The following DAP variants were observed in gnomAD, a reference collection of about 807,000 sequenced individuals.
The protein encoded by DAP is death associated protein, also known as death-associated protein 1.
Under a neutral mutation model 13.8 loss-of-function variants are expected in DAP, and 8 were observed. The observed-to-expected ratio is 0.58, with a 90% CI of 0.34 to 1.05. DAP has a LOEUF of 1.05. DAP is among the 50% of genes least tolerant of loss of function. DAP has a pLI of 0.03. For synonymous variants in DAP, 47 were observed against 47.5 expected, an observed-to-expected ratio of 0.99 and a Z score of 0.04; for missense variants, 106 against 133.2, an observed-to-expected ratio of 0.80 and a Z score of 1.01.
At chr5:10,693,477 T>C (rs957544109) in intron 2 of DAP, among the ~76,000 whole-genome samples, 1 of 152,222 alleles carries the variant, frequency 6.6e-6, no homozygotes, top group Non-Finnish European at 1.5e-5. Context: ...ATCACCACTA[T>C]GTACTATGGA....
intron 2 of DAP, among the ~76,000 whole-genome samples, chr5:10,725,654 A>ATGTC (rs1739271753): frequency 6.6e-6 from 1 of 152,266 alleles, no homozygotes; most frequent in Non-Finnish European, 1.5e-5. Context: ...TGCTGAAAAG[A>ATGTC]TGTCTCTCAA....
Position 10,747,559 on chromosome 5 carries a change from C to T in DAP, c.152+616G>A, listed in dbSNP as rs5745196. ...AGCTACACAGACAGCCAGGTCCACCCCTGAGGTTCAACTAGTGCGGCAATT... is the reference window on the plus strand; with the variant it reads ...AGCTACACAGACAGCCAGGTCCACCTCTGAGGTTCAACTAGTGCGGCAATT... On this transcript the variant is annotated intron_variant, in intron 2 of 3. Coordinates refer to ENST00000230895, the MANE Select transcript of DAP (RefSeq NM_004394.3). Among the ~76,000 whole-genome samples the T allele has an allele frequency of 6.4e-3, 976 of 152,346 alleles. 31 individuals carry two copies. The highest frequency in any genetic ancestry group is 0.059 in the Admixed American group (905 of 15,302).
intron 2 of DAP, among the ~76,000 whole-genome samples, chr5:10,723,979 T>C (rs190147526): frequency 1.4e-3 from 208 of 152,316 alleles, no homozygotes; most frequent in Non-Finnish European, 2.5e-3. Context: ...AAACGGTGCA[T>C]TGTTTGGGTG....
At chr5:10,693,153 C>CAT (rs10683981) in intron 2 of DAP, among the ~76,000 whole-genome samples, 1 of 138,716 alleles carries the variant, frequency 7.2e-6, no homozygotes, top group Non-Finnish European at 1.6e-5. Flanking sequence ...CACACACACA[C>CAT]GTGCGTAGTA....
chr5:10,758,189 TTAGTG>T (rs1740241171), intron 1 of DAP, among the ~76,000 whole-genome samples: 1 of 151,886 alleles, frequency 6.6e-6, no homozygotes, highest in African/African-American at 2.4e-5. Context: ...TGATTATCCT[TTAGTG>T]TAGTGGGCCG....
chr5:10,757,182 C>T (rs1264398366), intron 1 of DAP, among the ~76,000 whole-genome samples: 1 of 152,216 alleles, frequency 6.6e-6, no homozygotes, highest in African/African-American at 2.4e-5. Flanking sequence ...GTCTGTCGGG[C>T]TGCTGAAGTT....
intron 2 of DAP, among the ~76,000 whole-genome samples, chr5:10,706,052 A>G (rs1438465944): frequency 2.0e-5 from 3 of 152,246 alleles, no homozygotes; most frequent in Non-Finnish European, 4.4e-5. Context: ...CGGCATTTGC[A>G]TCCAACAGCA....
intron 2 of DAP, among the ~76,000 whole-genome samples, chr5:10,713,522 A>C (rs1278086231): frequency 1.3e-5 from 2 of 152,234 alleles, no homozygotes; most frequent in Admixed American, 1.3e-4. Flanking sequence ...GCATCTTCTC[A>C]TCTGACAGGG....
chr5:10,699,327 G>A (rs1738510547), intron 2 of DAP, among the ~76,000 whole-genome samples: 1 of 152,244 alleles, frequency 6.6e-6, no homozygotes, highest in Non-Finnish European at 1.5e-5. Flanking sequence ...GAGGGACATA[G>A]GAGCTTGTCT....
intron 1 of DAP, among the ~76,000 whole-genome samples, chr5:10,760,748 C>A (rs1357294419): frequency 6.6e-6 from 1 of 152,204 alleles, no homozygotes; most frequent in Non-Finnish European, 1.5e-5. Context: ...GGAGCCTGCG[C>A]GCAATCGCAC....
chr5:10,724,486 AG>A (rs1739233969), intron 2 of DAP, among the ~76,000 whole-genome samples: 1 of 152,208 alleles, frequency 6.6e-6, no homozygotes, highest in Admixed American at 6.5e-5. Context: ...CAGGCACCAA[AG>A]GTTCATGATT....
intron 1 of DAP, among the ~76,000 whole-genome samples, chr5:10,751,115 G>A (rs1210691280): frequency 6.6e-6 from 1 of 152,148 alleles, no homozygotes; most frequent in East Asian, 1.9e-4. Flanking sequence ...TTTCCCCAGG[G>A]GTGTGGCCTC....
intron 1 of DAP, among the ~76,000 whole-genome samples, chr5:10,757,049 T>C (rs554172636): frequency 1.8e-4 from 28 of 152,320 alleles, no homozygotes; most frequent in South Asian, 1.0e-3. Flanking sequence ...GTGCCATCCA[T>C]CACTTGTAAA....
At chr5:10,684,242 G>T in intron 2 of DAP, among the ~76,000 whole-genome samples, 1 of 152,190 alleles carries the variant, frequency 6.6e-6, no homozygotes, top group East Asian at 1.9e-4. Flanking sequence ...GCTTTACATG[G>T]TGTGGACTTG....
intron 2 of DAP, among the ~76,000 whole-genome samples, chr5:10,704,650 T>A (rs958956052): frequency 6.6e-6 from 1 of 152,158 alleles, no homozygotes. Context: ...ATAGAACAAA[T>A]GTAATCAGGG....
rs1222835675 is a variant in DAP, at chr5:10,761,142, C to T, written c.-74G>A. ...CCGGGCGGGCGTGCGCGAGTGAGCT[C>T]AGGTGTGAGCGCCGGGGAGCGAGCG... On this transcript the variant is annotated 5_prime_UTR_variant, in exon 1 of 4. Coordinates refer to ENST00000230895, the MANE Select transcript of DAP (RefSeq NM_004394.3). 1 of 877,204 alleles carries T rather than the reference C, an allele frequency of 1.1e-6. No individual in the cohort carries two copies. The highest frequency in any genetic ancestry group is 1.5e-6 in the Non-Finnish European group (1 of 676,674). 54.3% of individuals were successfully genotyped at this position (877,204 alleles called of 1,614,324 possible).
At chr5:10,754,532 A>G (rs1355471764) in intron 1 of DAP, among the ~76,000 whole-genome samples, 2 of 152,066 alleles carry the variant, frequency 1.3e-5, no homozygotes, top group African/African-American at 2.4e-5. Flanking sequence ...TGGGCCAAAC[A>G]CTCCATCTTC....
At chr5:10,695,035 T>C (rs1259251722) in intron 2 of DAP, among the ~76,000 whole-genome samples, 2 of 152,238 alleles carry the variant, frequency 1.3e-5, no homozygotes, top group African/African-American at 2.4e-5. Context: ...TTGAAATACC[T>C]TCTTGGCTTG....
intron 2 of DAP, among the ~76,000 whole-genome samples, chr5:10,732,453 C>A (rs1394656426): frequency 6.6e-6 from 1 of 152,166 alleles, no homozygotes; most frequent in Non-Finnish European, 1.5e-5. Flanking sequence ...GAATATGTGG[C>A]CTGGTGTCTG....
Sources: allele counts gnomAD v4.1 joint callset (sites outside exome capture counted in the v4.1 genomes callset), GRCh38; gene constraint gnomAD v4.1.1; transcripts MANE v1.5; gene names NCBI Gene and HGNC (gene_info 2026-07-23, HGNC 2026-07-21).